The following BCL2L14 variants were observed in gnomAD, a reference collection of about 807,000 sequenced individuals.
BCL2L14 encodes BCL2 like 14.
BCL2L14 carries 27 observed loss-of-function variants against 35.3 expected under a neutral mutation model. The observed-to-expected ratio is 0.76, with a 90% CI of 0.56 to 1.05. BCL2L14 has a LOEUF of 1.05. Among genes scored for constraint, BCL2L14 ranks in the 50% least tolerant of loss-of-function variants. The pLI, the probability that BCL2L14 is intolerant of heterozygous loss-of-function variation, is 0.00. For synonymous variants in BCL2L14, 139 were observed against 145.9 expected, an observed-to-expected ratio of 0.95 and a Z score of 0.34; for missense variants, 377 against 382.6, an observed-to-expected ratio of 0.99 and a Z score of 0.12.
chr12:12,070,292 A>G (rs950756409), upstream of BCL2L14, among the ~76,000 whole-genome samples: 3 of 152,222 alleles, frequency 2.0e-5, no homozygotes, highest in Non-Finnish European at 4.4e-5. Context: ...TCTCAGCTCA[A>G]CTGATAGGGA....
rs1486061429 is a variant in BCL2L14, at chr12:12,094,858, C to T, written c.873C>T (p.Asn291=). The T allele has an allele frequency of 1.2e-6, 2 of 1,614,206 alleles. No homozygotes were observed. Among genetic ancestry groups the T allele is most frequent in the South Asian group, 1.1e-5 (1 of 91,090 alleles). The change falls in exon 5 of 6, where the codon AAC becomes AAT. Residue 291 remains asparagine (N), a synonymous_variant. Coordinates refer to ENST00000308721, the MANE Select transcript of BCL2L14 (RefSeq NM_138723.2). ...KLTAIDNHPM[N]RVLGFGTKYL... The stretch of plus-strand genomic sequence containing the variant: ...CAGCTATTGACAACCACCCGATGAA[C>T]AGGGTCCTGGGCTTTGGCACCAAGT...
Position 12,094,936 on chromosome 12 carries a change from C to G in BCL2L14, c.945+6C>G. 6.2e-7 allele frequency: 1 copy of G among 1,608,818 alleles called. No homozygotes were observed. The highest frequency in any genetic ancestry group is 8.5e-7 in the Non-Finnish European group (1 of 1,178,780). ...TCCAGCAGCACGGTGGATGGGTAAG[C>G]GTATCCTATTTAAAAACAAATTTTC... is the stretch of plus-strand genomic sequence containing the variant. On this transcript the variant is annotated splice_donor_region_variant and intron_variant, in intron 5 of 5. Coordinates refer to ENST00000308721, the MANE Select transcript of BCL2L14 (RefSeq NM_138723.2).
upstream of BCL2L14, chr12:12,068,305 A>C (rs1948618259): frequency 2.5e-6 from 1 of 397,180 alleles, no homozygotes; most frequent in Admixed American, 4.4e-5. Flanking sequence ...TGTAACTCAG[A>C]ACTCCAGTAT....
At chr12:12,050,328 G>A (rs987779568) in intron 1 of BCL2L14, among the ~76,000 whole-genome samples, 61 of 151,842 alleles carry the variant, frequency 4.0e-4, no homozygotes, top group Non-Finnish European at 2.5e-4. Context: ...AGCTACTCGG[G>A]AGGCTGAGGC....
chr12:12,090,787 G>C lies in BCL2L14; in HGVS notation c.616G>C (p.Glu206Gln). 6.2e-7 allele frequency: 1 copy of C among 1,612,062 alleles called. No individual in the cohort carries two copies. Among genetic ancestry groups the C allele is most frequent in the Non-Finnish European group, 8.5e-7 (1 of 1,179,272 alleles). ...GGAATTTTCCCCGACAGATGAAGAA[G>C]AACAAATACTAGCCAAAATTGTTGA... ...VASSSKKDEE[E>Q]QILAKIVELL... Residue 206 changes from glutamate (E) to glutamine (Q), a missense_variant, in exon 4 of 6, where the codon GAA (glutamate) becomes CAA (glutamine). By Grantham distance (29) the Glu-to-Gln change is conservative. Coordinates refer to ENST00000308721, the MANE Select transcript of BCL2L14 (RefSeq NM_138723.2).
chr12:12,084,437 A>T (rs1038155474), intron 2 of BCL2L14, among the ~76,000 whole-genome samples: 14 of 152,208 alleles, frequency 9.2e-5, no homozygotes, highest in Admixed American at 2.6e-4. Context: ...TGAGTGGGAA[A>T]GAGCAGTCCA....
chr12:12,050,810 A>AAAAAAAAAAAAAAAAAAAAG (rs1555084771), intron 1 of BCL2L14, among the ~76,000 whole-genome samples: 1 of 110,058 alleles, frequency 9.1e-6, no homozygotes, highest in African/African-American at 3.0e-5. Flanking sequence ...AAAAAAAAAA[A>AAAAAAAAAAAAAAAAAAAAG]AAAGAAAAGA....
intron 1 of BCL2L14, among the ~76,000 whole-genome samples, chr12:12,079,074 C>T (rs565592233): frequency 6.6e-6 from 1 of 152,300 alleles, no homozygotes; most frequent in Non-Finnish European, 1.5e-5. Context: ...GGATTACAGG[C>T]GTGAGCCACC....
intron 5 of BCL2L14, chr12:12,095,308 G>A (rs1423383297): frequency 2.0e-6 from 2 of 985,272 alleles, no homozygotes; most frequent in Non-Finnish European, 2.4e-6. Flanking sequence ...CCTCACACTT[G>A]CAGATACTTA....
chr12:12,075,613 C>T (rs751298739), intron 1 of BCL2L14, among the ~76,000 whole-genome samples: 6 of 151,724 alleles, frequency 4.0e-5, no homozygotes, highest in African/African-American at 4.8e-5. Context: ...TTAGTAGAGA[C>T]GGGGTTTCTC....
intron 2 of BCL2L14, among the ~76,000 whole-genome samples, chr12:12,061,147 A>G (rs4763765): frequency 0.98 from 123,336 of 125,596 alleles, 60,623 homozygotes; most frequent in East Asian, 1. Flanking sequence ...CCCTTATTAG[A>G]CTGAGACACT....
At chr12:12,097,135 ACT>A (rs773888849) in intron 5 of BCL2L14, among the ~76,000 whole-genome samples, 1 of 151,954 alleles carries the variant, frequency 6.6e-6, no homozygotes, top group East Asian at 1.9e-4. Context: ...AGAGAGCGAG[ACT>A]CTGTCTCAAA....
At chr12:12,056,021 C>T (rs1234533997) in intron 2 of BCL2L14, among the ~76,000 whole-genome samples, 2 of 152,170 alleles carry the variant, frequency 1.3e-5, no homozygotes, top group African/African-American at 4.8e-5. Context: ...TCTGATCACC[C>T]TGCCTGGTCT....
chr12:12,077,406 G>A (rs539507932), intron 1 of BCL2L14, among the ~76,000 whole-genome samples: 13 of 152,076 alleles, frequency 8.5e-5, no homozygotes, highest in Admixed American at 7.9e-4. Flanking sequence ...TTAGCCAGGT[G>A]TGGTGGCATG....
chr12:12,050,597 C>T (rs1295312902), intron 1 of BCL2L14, among the ~76,000 whole-genome samples: 6 of 151,234 alleles, frequency 4.0e-5, no homozygotes, highest in Non-Finnish European at 7.4e-5. Flanking sequence ...AGACCTGGAA[C>T]CCAAATTGAA....
At chr12:12,073,053 A>AT (rs1443087111) in intron 1 of BCL2L14, among the ~76,000 whole-genome samples, 4 of 151,764 alleles carry the variant, frequency 2.6e-5, no homozygotes, top group East Asian at 1.9e-4. Flanking sequence ...CGCCCAGCTA[A>AT]TTTTTTTCAT....
chr12:12,095,676 C>T (rs1949299092), intron 5 of BCL2L14: 2 of 985,378 alleles, frequency 2.0e-6, no homozygotes, highest in South Asian at 9.4e-5. Context: ...AGTTCTCTTT[C>T]CACTAGAATG....
chr12:12,069,983 A>T (rs1201016393), upstream of BCL2L14, among the ~76,000 whole-genome samples: 1 of 152,126 alleles, frequency 6.6e-6, no homozygotes, highest in African/African-American at 2.4e-5. Context: ...CTTCATCGTC[A>T]CAGTTTGACC....
chr12:12,095,998 A>C, intron 5 of BCL2L14: 1 of 985,424 alleles, frequency 1.0e-6, no homozygotes, highest in Non-Finnish European at 1.2e-6. Flanking sequence ...CAGGTTCCTC[A>C]ACATTATTTT....
Sources: allele counts gnomAD v4.1 joint callset (sites outside exome capture counted in the v4.1 genomes callset), GRCh38; gene constraint gnomAD v4.1.1; transcripts MANE v1.5; gene names NCBI Gene and HGNC (gene_info 2026-07-23, HGNC 2026-07-21).